Variants in C4BPA observed in about 807,000 individuals in gnomAD.
The protein encoded by C4BPA is C4b-binding protein alpha chain.
C4BPA carries 31 observed loss-of-function variants against 63.7 expected under a neutral mutation model. That is an observed-to-expected ratio of 0.49 (90% confidence interval 0.37 to 0.66). The LOEUF (loss-of-function observed/expected upper bound fraction) is 0.66, where lower values mean the gene tolerates loss of function less well. C4BPA is among the 30% of genes least tolerant of loss of function. The pLI is 0.00. For missense variants in C4BPA, 572 were observed against 723.3 expected, an observed-to-expected ratio of 0.79 and a Z score of 2.40; for synonymous variants, 259 against 254.7, an observed-to-expected ratio of 1.02 and a Z score of -0.16.
intron 7 of C4BPA, 84 bp from the exon 8 acceptor site, chr1:207,131,462 C>A: frequency 1.1e-6 from 1 of 938,898 alleles, no homozygotes; most frequent in South Asian, 1.6e-5. Flanking sequence ...GTATGACCCC[C>A]TTTGATAGGA....
chr1:207,106,441 G>GTTTTTTTT lies in C4BPA; in HGVS notation c.-26+2020_-26+2027dup, dbSNP rs757122192. ...CTGTCTTATTCCTTCCTCCGTGTAAGTTTTTTTTTTTTTTTTGAAACGGAG... is the reference window on the plus strand; with the variant it reads ...CTGTCTTATTCCTTCCTCCGTGTAAGTTTTTTTTTTTTTTTTTTTTTTTTGAAACGGAG... On this transcript the variant is annotated intron_variant, in intron 1 of 11. Coordinates refer to ENST00000367070, the MANE Select transcript of C4BPA (RefSeq NM_000715.4). Among the ~76,000 whole-genome samples, 130 of 118,428 alleles carry GTTTTTTTT rather than the reference G, an allele frequency of 1.1e-3. 3 individuals carry two copies. Among genetic ancestry groups the GTTTTTTTT allele is most frequent in the African/African-American group, 4.7e-3 (128 of 27,020 alleles). The allele number at this position is 118,428 out of a possible 152,430, so 77.7% of individuals were successfully genotyped here. A position where few individuals can be genotyped will look rare whatever the true frequency, so the allele number is the denominator to read the frequency against.
intron 1 of C4BPA, among the ~76,000 whole-genome samples, chr1:207,108,128 T>C (rs1684595909): frequency 6.6e-6 from 1 of 151,904 alleles, no homozygotes; most frequent in Non-Finnish European, 1.5e-5. Context: ...TAACTTAAAT[T>C]ATTATTATTA....
At chr1:207,132,425 C>T (rs939054254) in intron 8 of C4BPA, among the ~76,000 whole-genome samples, 12 of 152,168 alleles carry the variant, frequency 7.9e-5, no homozygotes, top group Non-Finnish European at 1.5e-4. Context: ...CAGAACCTTG[C>T]CACTTTAGAG....
At chr1:207,131,815 A>G in intron 8 of C4BPA, 75 bp downstream of exon 8, 1 of 980,826 alleles carries the variant, frequency 1.0e-6, no homozygotes, top group South Asian at 1.7e-5. Flanking sequence ...TTAAATGAAT[A>G]TAATTTTATC....
At chr1:207,144,474 G>A (rs779387784) in intron 11 of C4BPA, 70 bp from the exon 12 acceptor site, 128 of 1,403,588 alleles carry the variant, frequency 9.1e-5, no homozygotes, top group Non-Finnish European at 1.1e-4. Flanking sequence ...TCCTTCCACT[G>A]TCAGGATCCA....
intron 4 of C4BPA, among the ~76,000 whole-genome samples, chr1:207,118,781 C>T (rs995508479): frequency 3.5e-4 from 54 of 152,142 alleles, no homozygotes; most frequent in African/African-American, 1.3e-3. Context: ...ATTCTTTTAC[C>T]TCCTACTTCC....
At chr1:207,125,154 G>A (rs1312823353) in intron 6 of C4BPA, among the ~76,000 whole-genome samples, 1 of 152,220 alleles carries the variant, frequency 6.6e-6, no homozygotes, top group Non-Finnish European at 1.5e-5. Flanking sequence ...GCACAAAAGA[G>A]CAGGATACTG....
At chr1:207,136,335 T>C (rs1685279112) in intron 9 of C4BPA, among the ~76,000 whole-genome samples, 2 of 152,214 alleles carry the variant, frequency 1.3e-5, no homozygotes, top group Admixed American at 6.5e-5. Flanking sequence ...CTTTTTTACT[T>C]GGTTGTTTAA....
intron 7 of C4BPA, 108 bp downstream of exon 7, chr1:207,127,003 A>C: frequency 1.4e-6 from 1 of 739,928 alleles, no homozygotes. Flanking sequence ...TACAGTAAAA[A>C]TTTACATCTA....
chr1:207,111,416 G>T (rs1484624288), intron 1 of C4BPA, among the ~76,000 whole-genome samples: 2 of 152,200 alleles, frequency 1.3e-5, no homozygotes, highest in African/African-American at 2.4e-5. Flanking sequence ...GGGATGTATA[G>T]AGCTCATGGG....
chr1:207,136,791 T>G (rs1374644085), intron 9 of C4BPA, among the ~76,000 whole-genome samples: 1 of 152,148 alleles, frequency 6.6e-6, no homozygotes, highest in African/African-American at 2.4e-5. Flanking sequence ...GTCCTGTCTC[T>G]TTTTGCATGC....
At chr1:207,127,829 C>T (rs750454636) in intron 7 of C4BPA, among the ~76,000 whole-genome samples, 13 of 152,202 alleles carry the variant, frequency 8.5e-5, no homozygotes, top group Admixed American at 3.3e-4. Context: ...CTCTACCTTG[C>T]GGGAGGATGT....
Position 207,141,128 on chromosome 1 carries a change from T to C in C4BPA, c.1296T>C (p.Ile432=). The change falls in exon 10 of 12, where the codon ATT becomes ATC. Residue 432 remains isoleucine (I), a synonymous_variant. Coordinates refer to ENST00000367070, the MANE Select transcript of C4BPA (RefSeq NM_000715.4). ...AAGTTTGCAATTTTCCTCCTAAAAT[T>C]GCCCATGGGCATTATAAACAATCTA... ...CGDICNFPPK[I]AHGHYKQSSS... The C allele has an allele frequency of 6.2e-7, 1 of 1,610,126 alleles. No individual in the cohort carries two copies. Among genetic ancestry groups the C allele is most frequent in the Admixed American group, 1.7e-5 (1 of 58,748 alleles).
At chr1:207,119,893 A>G (rs988744412) in intron 4 of C4BPA, among the ~76,000 whole-genome samples, 2 of 152,228 alleles carry the variant, frequency 1.3e-5, no homozygotes, top group African/African-American at 4.8e-5. Context: ...CTCAGCAAGC[A>G]CTTCATCTGT....
chr1:207,118,209 ATCTG>A (rs1243768045), intron 4 of C4BPA, among the ~76,000 whole-genome samples: 3 of 26,830 alleles, frequency 1.1e-4, no homozygotes, highest in South Asian at 1.1e-3. Flanking sequence ...TCTATCTATC[ATCTG>A]TCTATCTATC....
intron 8 of C4BPA, among the ~76,000 whole-genome samples, chr1:207,133,348 G>A (rs1327337514): frequency 1.3e-5 from 2 of 152,182 alleles, no homozygotes; most frequent in African/African-American, 2.4e-5. Flanking sequence ...CATGGAGAAT[G>A]TAATATTTTA....
At chr1:207,121,059 C>T (rs983076521) in intron 4 of C4BPA, among the ~76,000 whole-genome samples, 21 of 152,176 alleles carry the variant, frequency 1.4e-4, no homozygotes, top group Non-Finnish European at 2.4e-4. Flanking sequence ...TCTCTTGCCC[C>T]GGTCTTCCAA....
chr1:207,127,339 C>A (rs1685068562), intron 7 of C4BPA: 3 of 152,256 alleles, frequency 2.0e-5, no homozygotes, highest in Admixed American at 6.5e-5. Context: ...ATGATTCCAA[C>A]ACTCTGAAGT....
At chr1:207,130,011 A>T (rs1685127633) in intron 7 of C4BPA, among the ~76,000 whole-genome samples, 1 of 152,134 alleles carries the variant, frequency 6.6e-6, no homozygotes, top group Non-Finnish European at 1.5e-5. Flanking sequence ...TGTATGTTAT[A>T]GGCTTAATAA....
Sources: gnomAD v4.1 joint callset for allele counts (sites outside exome capture counted in the v4.1 genomes callset) on GRCh38, gnomAD v4.1.1 for gene constraint, MANE v1.5 for transcripts, NCBI Gene and HGNC (gene_info 2026-07-23, HGNC 2026-07-21) for gene names.